Variants in ITPR1 observed in about 807,000 individuals in gnomAD.
The protein encoded by ITPR1 is inositol 1,4,5-trisphosphate-gated calcium channel ITPR1.
In ITPR1, 96 loss-of-function variants were observed where a neutral mutation model predicts 318.4. That is an observed-to-expected ratio of 0.30 (90% CI 0.26 to 0.36). The LOEUF (loss-of-function observed/expected upper bound fraction) is 0.36, where lower values mean the gene tolerates loss of function less well. Ranked by LOEUF, ITPR1 falls within the 10% of genes least tolerant of loss-of-function variation. The probability of loss-of-function intolerance (pLI) is 1.00; values close to 1 mark genes in which losing one functional copy is unlikely to be tolerated. For missense variants in ITPR1, 2,440 were observed against 3,460.2 expected, an observed-to-expected ratio of 0.71 and a Z score of 7.40; for synonymous variants, 1,312 against 1,289.9, an observed-to-expected ratio of 1.02 and a Z score of -0.37.
chr3:4,718,051 G>A (rs765242800), intron 40 of ITPR1, among the ~76,000 whole-genome samples: 11 of 152,154 alleles, frequency 7.2e-5, no homozygotes, highest in Non-Finnish European at 8.8e-5. Context: ...TATCAAGCTA[G>A]TTTCCCGTAC....
chr3:4,537,661 A>G (rs1224635737), intron 4 of ITPR1, among the ~76,000 whole-genome samples: 23 of 152,336 alleles, frequency 1.5e-4, no homozygotes, highest in Non-Finnish European at 4.4e-5. Flanking sequence ...GAGGATAGAA[A>G]CAATAGGTTG....
chr3:4,755,698 G>A (rs1463548576), intron 44 of ITPR1, among the ~76,000 whole-genome samples: 1 of 152,234 alleles, frequency 6.6e-6, no homozygotes, highest in African/African-American at 2.4e-5. Context: ...TGAAGGAAGG[G>A]TTCTTTGTCC....
intron 19 of ITPR1, 138 bp from the exon 20 acceptor site, chr3:4,670,591 C>T (rs1263768941): frequency 1.5e-6 from 1 of 664,732 alleles, no homozygotes; most frequent in African/African-American, 1.8e-5. Context: ...ATGTTAATGT[C>T]AGGCTCTCTG....
At chr3:4,582,316 G>C (rs886227368) in intron 4 of ITPR1, among the ~76,000 whole-genome samples, 1 of 152,168 alleles carries the variant, frequency 6.6e-6, no homozygotes, top group Non-Finnish European at 1.5e-5. Flanking sequence ...TAGAGGCCAT[G>C]TTCCTACTGT....
chr3:4,742,354 C>T (rs1029056845), intron 44 of ITPR1, among the ~76,000 whole-genome samples: 5 of 152,164 alleles, frequency 3.3e-5, no homozygotes, highest in Non-Finnish European at 7.3e-5. Context: ...GTGTGTGGTC[C>T]GGTAGACAAG....
intron 10 of ITPR1, among the ~76,000 whole-genome samples, chr3:4,649,784 A>G (rs555396962): frequency 6.6e-6 from 1 of 152,340 alleles, no homozygotes; most frequent in South Asian, 2.1e-4. Flanking sequence ...GTGTCTGGTG[A>G]GGGCACTCTT....
At chr3:4,834,473 T>G (rs1004924976) in intron 60 of ITPR1, among the ~76,000 whole-genome samples, 2 of 152,124 alleles carry the variant, frequency 1.3e-5, no homozygotes, top group African/African-American at 4.8e-5. Context: ...TGCTAAGTGA[T>G]CTCTCTGCAG....
intron 4 of ITPR1, among the ~76,000 whole-genome samples, chr3:4,598,972 G>A (rs1449258361): frequency 6.6e-6 from 1 of 151,142 alleles, no homozygotes; most frequent in Admixed American, 6.6e-5. Context: ...TCATATTCTA[G>A]GTGTGGTCTA....
chr3:4,639,905 A>C (rs1378963658), intron 6 of ITPR1, among the ~76,000 whole-genome samples: 1 of 152,238 alleles, frequency 6.6e-6, no homozygotes, highest in Admixed American at 6.5e-5. Context: ...TTAAATAAAA[A>C]ATATTTATCA....
chr3:4,694,298 A>C (rs1392545371), intron 33 of ITPR1, among the ~76,000 whole-genome samples: 1 of 136,468 alleles, frequency 7.3e-6, no homozygotes, highest in East Asian at 1.9e-4. Context: ...GTATATATTT[A>C]TGATATATAA....
At chr3:4,540,635 T>A (rs1386433707) in intron 4 of ITPR1, among the ~76,000 whole-genome samples, 1 of 152,228 alleles carries the variant, frequency 6.6e-6, no homozygotes, top group Non-Finnish European at 1.5e-5. Flanking sequence ...TCACACAGGC[T>A]GGAGTACAGT....
Position 4,680,709 on chromosome 3 carries a change from G to C in ITPR1, c.3106+18G>C. ...TGTACCAGGTTAGTGATTCAGAATGGAATTTCAGCCATAGAATGGGACCTG... is the reference window on the plus strand; with the variant it reads ...TGTACCAGGTTAGTGATTCAGAATGCAATTTCAGCCATAGAATGGGACCTG... On this transcript the variant is annotated intron_variant, in intron 25 of 61. Coordinates refer to ENST00000649015, the MANE Select transcript of ITPR1 (RefSeq NM_001378452.1). The C allele has an allele frequency of 6.3e-7, 1 of 1,596,764 alleles. No homozygotes were observed. Among genetic ancestry groups the C allele is most frequent in the Non-Finnish European group, 8.5e-7 (1 of 1,170,980 alleles).
chr3:4,803,903 G>A (rs758269289), intron 54 of ITPR1, among the ~76,000 whole-genome samples: 1 of 151,962 alleles, frequency 6.6e-6, no homozygotes, highest in Non-Finnish European at 1.5e-5. Context: ...ACAGAGTCTC[G>A]ATCTGTCACC....
chr3:4,633,820 C>A (rs1232987198), intron 5 of ITPR1, among the ~76,000 whole-genome samples: 4 of 152,234 alleles, frequency 2.6e-5, no homozygotes, highest in Non-Finnish European at 5.9e-5. Context: ...ACAGCTTTGA[C>A]CAGCTAGGAA....
chr3:4,661,168 A>T, intron 14 of ITPR1, 81 bp downstream of exon 14: 3 of 772,696 alleles, frequency 3.9e-6, no homozygotes, highest in Non-Finnish European at 6.6e-6. Flanking sequence ...ATCAGGGAGT[A>T]TGGAGCGTGG....
chr3:4,710,224 C>A lies in ITPR1; in HGVS notation c.4843-101C>A. The A allele has an allele frequency of 1.7e-6, 2 of 1,144,660 alleles. No homozygotes were observed. The highest frequency in any genetic ancestry group is 2.3e-6 in the Non-Finnish European group (2 of 854,188). The allele number at this position is 1,144,660 out of a possible 1,614,324, so 70.9% of individuals were successfully genotyped here. ...CGGTACTAAAGTTACTCTAACCTAG[C>A]CTACCCGTGCATCAGTGTTTTAGGG... On this transcript the variant is annotated intron_variant, in intron 37 of 61. Transcript: ENST00000649015. This position sits in a 1 kb window ranked among gnomAD's most constrained non-coding sequence, Gnocchi z 4.2.
At chr3:4,676,839 C>T (rs747193986) in intron 24 of ITPR1, 38 bp downstream of exon 24, 30 of 1,504,906 alleles carry the variant, frequency 2.0e-5, no homozygotes, top group Non-Finnish European at 2.5e-5. Context: ...GAGGGTATGT[C>T]ACAGAGGCGC....
intron 38 of ITPR1, among the ~76,000 whole-genome samples, chr3:4,711,041 A>T (rs998313763): frequency 6.6e-6 from 1 of 151,774 alleles, no homozygotes; most frequent in East Asian, 1.9e-4. Flanking sequence ...GTGAAACCCT[A>T]TCTTGACTAA....
chr3:4,839,214 C>A (rs1219152396), intron 61 of ITPR1, among the ~76,000 whole-genome samples: 5 of 152,054 alleles, frequency 3.3e-5, no homozygotes, highest in African/African-American at 1.2e-4. Context: ...GTGATCACAG[C>A]TACTCAGGAG....
Sources: gnomAD v4.1 joint callset for allele counts (sites outside exome capture counted in the v4.1 genomes callset) on GRCh38, gnomAD v4.1.1 for gene constraint, Gnocchi (gnomAD v3.1) non-coding constraint, MANE v1.5 for transcripts, NCBI Gene and HGNC (gene_info 2026-07-23, HGNC 2026-07-21) for gene names.